The following NELL1 variants were observed in gnomAD, a reference collection of about 807,000 sequenced individuals.
NELL1 encodes neural EGFL like 1.
A neutral mutation model predicts 107.4 loss-of-function variants in NELL1; 76 were observed. The ratio of observed to expected loss-of-function variants is 0.71; its 90% CI spans 0.59 to 0.86. The LOEUF (loss-of-function observed/expected upper bound fraction) is 0.86. Ranked by LOEUF, NELL1 falls within the 40% of genes least tolerant of loss-of-function variation. The pLI, the probability that NELL1 is intolerant of heterozygous loss-of-function variation, is 0.00. For missense variants in NELL1, 1,024 were observed against 1,005.5 expected, an observed-to-expected ratio of 1.02 and a Z score of -0.25; for synonymous variants, 353 against 341.2, an observed-to-expected ratio of 1.03 and a Z score of -0.38.
At chr11:20,723,940 G>A (rs1236395658) in intron 2 of NELL1, among the ~76,000 whole-genome samples, 2 of 152,226 alleles carry the variant, frequency 1.3e-5, no homozygotes, top group Admixed American at 6.5e-5. Context: ...AGGGCTTGGG[G>A]CTTGCACCCT....
At chr11:21,025,210 T>C (rs1372575192) in intron 12 of NELL1, among the ~76,000 whole-genome samples, 1 of 152,110 alleles carries the variant, frequency 6.6e-6, no homozygotes, top group Non-Finnish European at 1.5e-5. Context: ...AGTACTTGAA[T>C]AATAATTATA....
At chr11:20,734,692 G>C (rs1364570172) in intron 2 of NELL1, among the ~76,000 whole-genome samples, 4 of 152,176 alleles carry the variant, frequency 2.6e-5, no homozygotes, top group African/African-American at 7.2e-5. Flanking sequence ...TGTCCACAGG[G>C]AGATGTCAGG....
chr11:20,883,838 T>C (rs779728789), intron 4 of NELL1, among the ~76,000 whole-genome samples: 16 of 152,238 alleles, frequency 1.1e-4, no homozygotes, highest in Non-Finnish European at 2.4e-4. Flanking sequence ...AAATTTGCCT[T>C]GTGTCTAGTT....
chr11:20,850,786 T>C (rs1175907120), intron 4 of NELL1, among the ~76,000 whole-genome samples: 1 of 152,182 alleles, frequency 6.6e-6, no homozygotes, highest in Non-Finnish European at 1.5e-5. Context: ...ACTTTGGTGC[T>C]GGAGAAGGGA....
At chr11:21,334,653 GC>G in intron 14 of NELL1, among the ~76,000 whole-genome samples, 1 of 151,776 alleles carries the variant, frequency 6.6e-6, no homozygotes, top group African/African-American at 2.4e-5. Flanking sequence ...ATACCCTCAC[GC>G]CTACAATTTT....
At chr11:21,206,499 TG>T in intron 13 of NELL1, among the ~76,000 whole-genome samples, 1 of 152,316 alleles carries the variant, frequency 6.6e-6, no homozygotes, top group South Asian at 2.1e-4. Context: ...TGGGTGGGAA[TG>T]AATAATTCAA....
chr11:20,862,289 A>AT (rs71063671), intron 4 of NELL1, among the ~76,000 whole-genome samples: 94,659 of 151,418 alleles, frequency 0.63, 31,898 homozygotes, highest in Non-Finnish European at 0.76. Flanking sequence ...TTCAAGAGTC[A>AT]TTTTTTTTTA....
chr11:21,159,122 C>T (rs953826123), intron 13 of NELL1, among the ~76,000 whole-genome samples: 27 of 152,088 alleles, frequency 1.8e-4, no homozygotes, highest in African/African-American at 6.5e-4. Flanking sequence ...GTGTCCATAT[C>T]GATAACTTAT....
At chr11:20,734,692 G>A (rs1364570172) in intron 2 of NELL1, among the ~76,000 whole-genome samples, 2 of 152,176 alleles carry the variant, frequency 1.3e-5, no homozygotes, top group South Asian at 4.1e-4. Flanking sequence ...TGTCCACAGG[G>A]AGATGTCAGG....
At chr11:21,473,537 C>G (rs1854237107) in intron 15 of NELL1, among the ~76,000 whole-genome samples, 1 of 151,980 alleles carries the variant, frequency 6.6e-6, no homozygotes, top group African/African-American at 2.4e-5. Flanking sequence ...CAGACAATTT[C>G]AATGATGAGG....
rs367642526 is a variant in NELL1 at position 21,575,057 on chromosome 11, C to A, written c.*35C>A. The A allele has an allele frequency of 4.5e-6, 7 of 1,543,726 alleles. No individual in the cohort carries two copies. The Admixed American group carries it at 1.2e-4, about 26-fold the overall frequency. On this transcript the variant is annotated 3_prime_UTR_variant, in exon 20 of 20. Transcript: ENST00000357134. ...AGTGGACTCAACGCAGAAGAATGGA[C>A]GAAATGACCATCCAACGTGATTAAG...
chr11:20,805,120 G>A (rs1376243414), intron 3 of NELL1, among the ~76,000 whole-genome samples: 4 of 152,052 alleles, frequency 2.6e-5, no homozygotes, highest in Non-Finnish European at 5.9e-5. Context: ...CATTGGCATG[G>A]AATATCTTTT....
At chr11:20,712,215 G>A (rs931162625) in intron 2 of NELL1, among the ~76,000 whole-genome samples, 1 of 152,036 alleles carries the variant, frequency 6.6e-6, no homozygotes, top group Non-Finnish European at 1.5e-5. Context: ...GAGCTCTGAA[G>A]ATCTTTCTTC....
intron 15 of NELL1, among the ~76,000 whole-genome samples, chr11:21,383,616 T>C (rs1167140776): frequency 6.6e-6 from 1 of 150,900 alleles, no homozygotes; most frequent in Admixed American, 6.6e-5. Flanking sequence ...ACCTCTGAGC[T>C]TTTGTTTGGA....
At chr11:20,906,781 C>CA (rs1024621377) in intron 5 of NELL1, among the ~76,000 whole-genome samples, 46 of 152,118 alleles carry the variant, frequency 3.0e-4, no homozygotes, top group African/African-American at 8.7e-4. Flanking sequence ...ACGCATCTGA[C>CA]AAAATCCAAT....
intron 12 of NELL1, among the ~76,000 whole-genome samples, chr11:21,104,669 A>C (rs1854904014): frequency 6.6e-6 from 1 of 152,242 alleles, no homozygotes; most frequent in Admixed American, 6.5e-5. Context: ...TAATCAACAC[A>C]TCTGCTTGAC....
intron 16 of NELL1, among the ~76,000 whole-genome samples, chr11:21,540,192 G>A (rs947601165): frequency 3.3e-5 from 5 of 152,000 alleles, no homozygotes; most frequent in Admixed American, 6.6e-5. Context: ...GGAAAAATAC[G>A]AGTCCTGTTT....
At chr11:21,096,838 G>C (rs1854654941) in intron 12 of NELL1, among the ~76,000 whole-genome samples, 1 of 151,974 alleles carries the variant, frequency 6.6e-6, no homozygotes, top group Non-Finnish European at 1.5e-5. Flanking sequence ...AGCCTCCTAG[G>C]TAGCTGGGAC....
intron 5 of NELL1, among the ~76,000 whole-genome samples, chr11:20,885,744 T>C (rs1849496616): frequency 6.6e-6 from 1 of 152,216 alleles, no homozygotes; most frequent in Admixed American, 6.5e-5. Flanking sequence ...CACAGTAATT[T>C]GTGAAGTAGG....
Sources: gnomAD v4.1 joint callset for allele counts (sites outside exome capture counted in the v4.1 genomes callset) on GRCh38, gnomAD v4.1.1 for gene constraint, MANE v1.5 for transcripts, NCBI Gene and HGNC (gene_info 2026-07-23, HGNC 2026-07-21) for gene names.